The following GPC3 variants were observed in gnomAD, a reference collection of about 807,000 sequenced individuals.
GPC3 encodes the protein glypican 3, also known as glypican-3.
GPC3 carries 3 observed loss-of-function variants against 34.4 expected under a neutral mutation model. That is an observed-to-expected ratio of 0.09 (90% CI 0.04 to 0.23). The LOEUF (loss-of-function observed/expected upper bound fraction) is 0.23, where lower values mean the gene tolerates loss of function less well. Among genes scored for constraint, GPC3 ranks in the 10% least tolerant of loss-of-function variants. The pLI, the probability that GPC3 is intolerant of heterozygous loss-of-function variation, is 1.00. For missense variants in GPC3, 351 were observed against 445.6 expected, an observed-to-expected ratio of 0.79 and a Z score of 1.91; for synonymous variants, 177 against 174.0, an observed-to-expected ratio of 1.02 and a Z score of -0.13.
chrX:133,765,020 C>CT (rs1373770799), intron 2 of GPC3, among the ~76,000 whole-genome samples: 8 of 111,717 alleles, frequency 7.2e-5, no homozygotes, highest in Non-Finnish European at 1.3e-4. Flanking sequence ...AAAAGAAAGC[C>CT]TGATGGTACC....
At chrX:133,812,899 T>C (rs2075672234) in intron 2 of GPC3, among the ~76,000 whole-genome samples, 1 of 112,245 alleles carries the variant, frequency 8.9e-6, no homozygotes, top group Non-Finnish European at 1.9e-5. Context: ...TAGATGTTGA[T>C]CTAGGTTCCA....
Position 133,714,240 on chromosome X carries a change from T to C in GPC3, c.1033-14212A>G, listed in dbSNP as rs182955046. Among the ~76,000 whole-genome samples, 9 of 111,690 alleles carry C rather than the reference T, an allele frequency of 8.1e-5. No individual in the cohort carries two copies. The South Asian group carries it at 3.4e-3, about 42-fold the overall frequency. On this transcript the variant is annotated intron_variant, in intron 3 of 7. Transcript: ENST00000370818. ...AAACCAGATTGAGTGCAGAAGAAGA[T>C]ACGAGAATCCAGCTGTCTACCATTA...
intron 1 of GPC3, among the ~76,000 whole-genome samples, chrX:133,959,084 C>T (rs1452869260): frequency 1.8e-5 from 2 of 111,500 alleles, no homozygotes; most frequent in East Asian, 5.6e-4. Flanking sequence ...TAGAGGCTAA[C>T]CACAGATGGT....
At chrX:133,662,225 T>C (rs1357838667) in intron 5 of GPC3, among the ~76,000 whole-genome samples, 1 of 111,433 alleles carries the variant, frequency 9.0e-6, no homozygotes, top group African/African-American at 3.3e-5. Context: ...GCACACAGAA[T>C]GAACCTTCAC....
chrX:133,572,036 T>C (rs967405766), intron 7 of GPC3, among the ~76,000 whole-genome samples: 2 of 111,870 alleles, frequency 1.8e-5, no homozygotes, highest in Admixed American at 9.5e-5. Context: ...TATAGCAGAA[T>C]ACACATTCTT....
intron 3 of GPC3, among the ~76,000 whole-genome samples, chrX:133,718,696 T>C (rs1481094907): frequency 9.0e-6 from 1 of 111,518 alleles, no homozygotes; most frequent in African/African-American, 3.3e-5. Flanking sequence ...AAGTCTATGC[T>C]GTCTACAAGA....
rs1172885847 is a variant in GPC3 at position 133,850,193 on chromosome X, TG to T, written c.338-96018del. 3.6e-3 allele frequency among the ~76,000 whole-genome samples: 329 copies of T among 92,258 alleles called. 8 individuals are homozygous for T. The highest frequency in any genetic ancestry group is 0.014 in the African/African-American group (292 of 20,180). The allele number at this position is 92,258 out of a possible 115,157, so 80.1% of individuals were successfully genotyped here. A position where few individuals can be genotyped will look rare whatever the true frequency, so the allele number is the denominator to read the frequency against. ...TTTTTTTTGTTTGTTTTTTGGGTTT[TG>T]TTTTTTTTTTTTTTTTTTTGGTAAA... On this transcript the variant is annotated intron_variant, in intron 2 of 7. Transcript: ENST00000370818.
chrX:133,701,524 C>G (rs764829040), intron 3 of GPC3, among the ~76,000 whole-genome samples: 1 of 112,304 alleles, frequency 8.9e-6, no homozygotes, highest in South Asian at 3.7e-4. Flanking sequence ...AAAAACATAG[C>G]CATCCAACGT....
At chrX:133,840,500 G>A (rs770964734) in intron 2 of GPC3, among the ~76,000 whole-genome samples, 5 of 110,961 alleles carry the variant, frequency 4.5e-5, no homozygotes, top group East Asian at 5.7e-4. Flanking sequence ...TACCTATCTC[G>A]CGAGGTTGTT....
intron 3 of GPC3, among the ~76,000 whole-genome samples, chrX:133,728,047 A>G (rs1038954269): frequency 4.5e-5 from 5 of 112,036 alleles, no homozygotes; most frequent in African/African-American, 1.6e-4. Context: ...GCCCAAGGAA[A>G]CAAGCCTTCT....
At chrX:133,600,869 G>A (rs2069973536) in intron 6 of GPC3, among the ~76,000 whole-genome samples, 1 of 112,126 alleles carries the variant, frequency 8.9e-6, no homozygotes, top group South Asian at 3.8e-4. Flanking sequence ...AACTTTAGGG[G>A]CCTAATGCTT....
chrX:133,737,042 T>C (rs779637422), intron 3 of GPC3, among the ~76,000 whole-genome samples: 1 of 112,200 alleles, frequency 8.9e-6, no homozygotes, highest in South Asian at 3.7e-4. Flanking sequence ...TAAAAAGAGA[T>C]GAACTATCTA....
At chrX:133,609,464 AT>A (rs1443845876) in intron 6 of GPC3, among the ~76,000 whole-genome samples, 1 of 112,456 alleles carries the variant, frequency 8.9e-6, no homozygotes, top group Non-Finnish European at 1.9e-5. Flanking sequence ...TAGGAAAGGA[AT>A]TTGAGCCCTG....
intron 2 of GPC3, among the ~76,000 whole-genome samples, chrX:133,857,017 A>G (rs1039190001): frequency 1.8e-5 from 2 of 110,085 alleles, no homozygotes; most frequent in Non-Finnish European, 3.8e-5. Flanking sequence ...ATATACAGCA[A>G]GTGGTAATGG....
intron 2 of GPC3, among the ~76,000 whole-genome samples, chrX:133,823,780 G>T (rs1036671563): frequency 4.1e-4 from 45 of 110,143 alleles, no homozygotes; most frequent in Middle Eastern, 4.7e-3. Flanking sequence ...AGGAGCTCAA[G>T]AGCAGCCTAG....
chrX:133,708,572 G>A (rs1238828669), intron 3 of GPC3, among the ~76,000 whole-genome samples: 2 of 111,800 alleles, frequency 1.8e-5, no homozygotes, highest in South Asian at 3.8e-4. Context: ...AAGCCTCAGC[G>A]TCGTACAATA....
At chrX:133,757,065 C>T (rs1158270619) in intron 2 of GPC3, among the ~76,000 whole-genome samples, 1 of 112,340 alleles carries the variant, frequency 8.9e-6, no homozygotes, top group Non-Finnish European at 1.9e-5. Flanking sequence ...TTTCCCTCTG[C>T]CTCTTTCCTG....
At chrX:133,832,562 C>T (rs1168231695) in intron 2 of GPC3, among the ~76,000 whole-genome samples, 2 of 110,887 alleles carry the variant, frequency 1.8e-5, no homozygotes, top group South Asian at 3.9e-4. Context: ...AGGGAAAGAT[C>T]TACCTGTCAT....
chrX:133,909,730 C>T (rs1053392944), intron 2 of GPC3, among the ~76,000 whole-genome samples: 3 of 111,226 alleles, frequency 2.7e-5, no homozygotes, highest in African/African-American at 6.5e-5. Context: ...ATCAGAATAT[C>T]GAAGTTTTAC....
Sources: gnomAD v4.1 joint callset for allele counts (sites outside exome capture counted in the v4.1 genomes callset) on GRCh38, gnomAD v4.1.1 for gene constraint, MANE v1.5 for transcripts, NCBI Gene and HGNC (gene_info 2026-07-23, HGNC 2026-07-21) for gene names.